EIF3E: variants seen among roughly 807,000 people sequenced by gnomAD.
EIF3E encodes the protein eIF-3 p48.
A neutral mutation model predicts 59.3 loss-of-function variants in EIF3E; 25 were observed. The ratio of observed to expected loss-of-function variants is 0.42; its 90% confidence interval spans 0.31 to 0.59. The LOEUF (loss-of-function observed/expected upper bound fraction) is 0.59. EIF3E is among the 20% of genes least tolerant of loss of function. The pLI is 0.15. For missense variants in EIF3E, 317 were observed against 534.3 expected (o/e 0.59, Z 4.01); for synonymous variants, 176 against 170.2 (o/e 1.03, Z -0.26).
At chr8:108,210,720 A>G (rs1026978762) in intron 10 of EIF3E, among the ~76,000 whole-genome samples, 4 of 152,090 alleles carry the variant, frequency 2.6e-5, no homozygotes, top group Non-Finnish European at 4.4e-5. Context: ...TACATTAGGT[A>G]TATCTCCTAA....
chr8:108,232,068 AACTAAAAAGTAAAAC>A (rs1240297327), intron 5 of EIF3E, among the ~76,000 whole-genome samples: 2 of 152,206 alleles, frequency 1.3e-5, no homozygotes, highest in African/African-American at 4.8e-5. Context: ...AAAATTAATT[AACTAAAAAGTAAAAC>A]ACTGACATTT....
At chr8:108,203,535 T>A (rs1170966194) in intron 10 of EIF3E, 32 bp from the exon 11 acceptor site, 6 of 1,582,098 alleles carry the variant, frequency 3.8e-6, no homozygotes, top group East Asian at 4.5e-5. Flanking sequence ...CAATGTTAAT[T>A]AACTGGGCCT....
At chr8:108,222,233 T>C (rs1241300866) in intron 7 of EIF3E, among the ~76,000 whole-genome samples, 2 of 152,122 alleles carry the variant, frequency 1.3e-5, no homozygotes, top group South Asian at 2.1e-4. Context: ...GTTTTAGAGA[T>C]AGGTCTCACT....
intron 10 of EIF3E, among the ~76,000 whole-genome samples, chr8:108,211,107 T>C (rs1046602983): frequency 1.3e-4 from 20 of 152,234 alleles, no homozygotes; most frequent in Non-Finnish European, 2.6e-4. Flanking sequence ...TTTGGGTATA[T>C]GTCCAGTAAT....
Position 108,228,294 on chromosome 8 carries a change from A to G in EIF3E, c.695T>C (p.Ile232Thr). ...TGGCTGATAAAGGAAGAGGTCAATAATATTATCGCGACCTTTGGGGTGATT... is the reference window on the plus strand; with the variant it reads ...TGGCTGATAAAGGAAGAGGTCAATAGTATTATCGCGACCTTTGGGGTGATT... ...FFNHPKGRDN[I>T]IDLFLYQPQY... The change falls in exon 7 of 13, where the codon ATT (isoleucine) becomes ACT (threonine). Residue 232 changes from isoleucine to threonine, a missense_variant. Ile to Thr is a moderately conservative substitution (Grantham distance 89). Around this residue, in one of 4 missense-constraint regions of EIF3E, gnomAD observed 242 missense variants for 398.0 expected, o/e 0.61. Coordinates refer to ENST00000220849, the MANE Select transcript of EIF3E (RefSeq NM_001568.3). 6.2e-7 allele frequency: 1 copy of G among 1,605,570 alleles called. No individual in the cohort carries two copies. Among genetic ancestry groups the G allele is most frequent in the Admixed American group, 1.7e-5 (1 of 59,162 alleles).
intron 10 of EIF3E, among the ~76,000 whole-genome samples, chr8:108,209,788 A>G (rs10955481): frequency 0.17 from 26,520 of 152,134 alleles, 2,755 homozygotes; most frequent in East Asian, 0.4. Flanking sequence ...AGGAATGGAG[A>G]ACAAATGAGT....
intron 9 of EIF3E, 31 bp downstream of exon 9, chr8:108,216,375 GAATAGT>G: frequency 6.8e-7 from 1 of 1,476,510 alleles, no homozygotes; most frequent in Non-Finnish European, 9.3e-7. Context: ...AAAAATTTAA[GAATAGT>G]ATTAGTTTAT....
rs1228920879 is a variant in EIF3E, at chr8:108,240,094, G to A, written c.206-19C>T. 2 of 1,571,540 alleles carry A rather than the reference G, an allele frequency of 1.3e-6. No homozygotes were observed. Among genetic ancestry groups the A allele is most frequent in the Admixed American group, 3.3e-5 (2 of 59,976 alleles). ...CTCAAAGCTAATTAAAAATGCAGAA[G>A]AGCACTACAATGTTAAGGAATGTTA... On this transcript the variant is annotated intron_variant, in intron 2 of 12. Transcript: ENST00000220849.
At chr8:108,215,995 A>G (rs574920419) in intron 9 of EIF3E, among the ~76,000 whole-genome samples, 1 of 152,342 alleles carries the variant, frequency 6.6e-6, no homozygotes, top group African/African-American at 2.4e-5. Context: ...AGATAAGCCC[A>G]TCTATGAACC....
Position 108,201,915 on chromosome 8 carries a change from G to A in EIF3E, c.1308C>T (p.Asn436=). Residue 436 remains asparagine, a synonymous_variant, in exon 13 of 13, where the codon AAC becomes AAT. Coordinates refer to ENST00000220849, the MANE Select transcript of EIF3E (RefSeq NM_001568.3). ...AGAAGCCAGAATCTTGAGTTGCCCA[G>A]TTAGGAGCCTAAAATATGCAAAAAG... ...LNQNSRSEAP[N]WATQDSGFY is the part of the protein sequence containing the mutation. 6.4e-7 allele frequency: 1 copy of A among 1,573,522 alleles called. No individual in the cohort carries two copies. The highest frequency in any genetic ancestry group is 8.6e-7 in the Non-Finnish European group (1 of 1,160,102).
At chr8:108,228,133 A>G (rs956331248) in intron 7 of EIF3E, 134 bp downstream of exon 7, 1 of 985,512 alleles carries the variant, frequency 1.0e-6, no homozygotes, top group Non-Finnish European at 1.4e-6. Context: ...AGTAACAAGC[A>G]AATCTACTAC....
At chr8:108,209,567 T>C (rs1586191951) in intron 10 of EIF3E, among the ~76,000 whole-genome samples, 1 of 152,288 alleles carries the variant, frequency 6.6e-6, no homozygotes, top group Non-Finnish European at 1.5e-5. Context: ...TTTAAGTTCT[T>C]TGAAAGTGTA....
At chr8:108,235,248 T>G in intron 4 of EIF3E, 146 bp from the exon 5 acceptor site, 4 of 484,284 alleles carry the variant, frequency 8.3e-6, no homozygotes, top group Non-Finnish European at 1.4e-5. Context: ...TATCTCTGAT[T>G]ATGGTATTTA....
chr8:108,202,060 A>C, intron 12 of EIF3E, 137 bp from the exon 13 acceptor site: 1 of 673,920 alleles, frequency 1.5e-6, no homozygotes, highest in Non-Finnish European at 2.3e-6. Flanking sequence ...TAACTCCTGC[A>C]ATTACTAGAT....
intron 12 of EIF3E, 149 bp downstream of exon 12, chr8:108,202,834 A>G: frequency 5.7e-6 from 5 of 878,138 alleles, no homozygotes; most frequent in Non-Finnish European, 6.4e-6. Flanking sequence ...TCTAAGAAAA[A>G]ATTTTCTGTT....
intron 10 of EIF3E, among the ~76,000 whole-genome samples, chr8:108,212,886 T>C (rs919846219): frequency 2.0e-5 from 3 of 151,516 alleles, no homozygotes; most frequent in South Asian, 2.1e-4. Context: ...GAAAAAAAAA[T>C]TGAAGAACTG....
intron 5 of EIF3E, chr8:108,233,628 GGCCA>G (rs1490320347): frequency 2.5e-6 from 1 of 398,470 alleles, no homozygotes; most frequent in African/African-American, 2.1e-5. Flanking sequence ...GATCACTTCA[GGCCA>G]GGAGTTTGAG....
chr8:108,225,590 A>C (rs928267361), intron 7 of EIF3E, among the ~76,000 whole-genome samples: 4 of 151,606 alleles, frequency 2.6e-5, no homozygotes, highest in African/African-American at 9.8e-5. Context: ...CATTACAAAC[A>C]ACCTTTTAAA....
Position 108,248,682 on chromosome 8 carries a change from A to G in EIF3E, c.21T>C (p.Thr7=). 6.2e-7 allele frequency: 1 copy of G among 1,614,180 alleles called. No homozygotes were observed. Among genetic ancestry groups the G allele is most frequent in the Non-Finnish European group, 8.5e-7 (1 of 1,180,012 alleles). Residue 7 remains threonine, a synonymous_variant, in exon 1 of 13, where the codon ACT becomes ACC. Coordinates refer to ENST00000220849, the MANE Select transcript of EIF3E (RefSeq NM_001568.3). MAEYDL[T]TRIAHFLDRH... ...GATCCAAAAAGTGCGCGATGCGAGTAGTCAAGTCGTACTCCGCCATCTTGC... is the reference window on the plus strand; with the variant it reads ...GATCCAAAAAGTGCGCGATGCGAGTGGTCAAGTCGTACTCCGCCATCTTGC...
Sources: allele counts gnomAD v4.1 joint callset (sites outside exome capture counted in the v4.1 genomes callset), GRCh38; gene constraint gnomAD v4.1.1; regional missense constraint gnomAD v4.1.1; transcripts MANE v1.5; gene names NCBI Gene and HGNC (gene_info 2026-07-23, HGNC 2026-07-21).